RAB12: variants seen among roughly 807,000 people sequenced by gnomAD.
The protein encoded by RAB12 is ras-related protein Rab-12.
In RAB12, 11 loss-of-function variants were observed where a neutral mutation model predicts 28.4. That is an observed-to-expected ratio of 0.39 (90% confidence interval 0.24 to 0.64). RAB12 has a LOEUF of 0.64. Ranked by LOEUF, RAB12 falls within the 30% of genes least tolerant of loss-of-function variation. The pLI, the probability that RAB12 is intolerant of heterozygous loss-of-function variation, is 0.50. For synonymous variants in RAB12, 138 were observed against 145.3 expected, an observed-to-expected ratio of 0.95 and a Z score of 0.36; for missense variants, 276 against 351.1, an observed-to-expected ratio of 0.79 and a Z score of 1.71.
intron 2 of RAB12, among the ~76,000 whole-genome samples, chr18:8,625,806 C>T (rs900481082): frequency 6.6e-6 from 1 of 152,186 alleles, no homozygotes; most frequent in African/African-American, 2.4e-5. Context: ...GGCAGGTCAC[C>T]CTCAGCTCTG....
chr18:8,631,059 T>A (rs547206014), intron 2 of RAB12, among the ~76,000 whole-genome samples: 1 of 152,326 alleles, frequency 6.6e-6, no homozygotes, highest in South Asian at 2.1e-4. Flanking sequence ...TAGCTAAGTT[T>A]TATATTTTTA....
At chr18:8,615,954 C>T (rs897293118) in intron 1 of RAB12, among the ~76,000 whole-genome samples, 1 of 152,204 alleles carries the variant, frequency 6.6e-6, no homozygotes, top group Non-Finnish European at 1.5e-5. Context: ...GTTAATGGAT[C>T]TTGGAACTGG....
At chr18:8,625,329 A>G (rs1168396932) in intron 2 of RAB12, among the ~76,000 whole-genome samples, 1 of 152,220 alleles carries the variant, frequency 6.6e-6, no homozygotes, top group Non-Finnish European at 1.5e-5. Context: ...GTTTGTCTTC[A>G]TGTCTTTATT....
At chr18:8,616,936 A>C (rs768948892) in intron 1 of RAB12, among the ~76,000 whole-genome samples, 4 of 152,082 alleles carry the variant, frequency 2.6e-5, no homozygotes, top group Non-Finnish European at 4.4e-5. Flanking sequence ...CTCAAAAAAG[A>C]AAAAACACTC....
chr18:8,620,162 C>CTTTTTTTTTTTTTTTTTTTTTT (rs2096009070), intron 1 of RAB12, among the ~76,000 whole-genome samples: 1 of 15,746 alleles, frequency 6.4e-5, no homozygotes, highest in Non-Finnish European at 1.2e-4. Context: ...TTTTTTTTTG[C>CTTTTTTTTTTTTTTTTTTTTTT]TTCAAAAAAA....
intron 1 of RAB12, among the ~76,000 whole-genome samples, chr18:8,612,235 G>C (rs2096004243): frequency 6.6e-6 from 1 of 152,222 alleles, no homozygotes; most frequent in Non-Finnish European, 1.5e-5. Flanking sequence ...CTCCAGTCGA[G>C]GCTAGTGATG....
chr18:8,628,811 T>C (rs925096554), intron 2 of RAB12, among the ~76,000 whole-genome samples: 1 of 152,236 alleles, frequency 6.6e-6, no homozygotes. Context: ...AAACTCCTAT[T>C]ATCTGTAATT....
At chr18:8,615,045 G>T (rs1391999394) in intron 1 of RAB12, among the ~76,000 whole-genome samples, 1 of 152,230 alleles carries the variant, frequency 6.6e-6, no homozygotes, top group Admixed American at 6.5e-5. Flanking sequence ...TCTAGCCTGT[G>T]TTGACATGGG....
chr18:8,613,051 G>A (rs907885274), intron 1 of RAB12, among the ~76,000 whole-genome samples: 3 of 152,212 alleles, frequency 2.0e-5, no homozygotes, highest in Non-Finnish European at 2.9e-5. Context: ...GAACTATTAT[G>A]TAAAATTATA....
At chr18:8,619,550 A>T (rs1386926653) in intron 1 of RAB12, among the ~76,000 whole-genome samples, 1 of 152,214 alleles carries the variant, frequency 6.6e-6, no homozygotes, top group Non-Finnish European at 1.5e-5. Flanking sequence ...TGTGGGAGCT[A>T]TGAGCCACTT....
In RAB12 at chr18:8,633,074, ACT is replaced by A. The variant is rs1189488600; in HGVS notation, c.576-111_576-110del. On this transcript the variant is annotated intron_variant, in intron 2 of 5. Coordinates refer to ENST00000649141, the MANE Select transcript of RAB12 (RefSeq NM_001025300.3). ...ATCAGGTCAAAGGGAAATAGGGGTT[ACT>A]CTCGTTCTTTTTTCGCAGAAAAACT... is the stretch of plus-strand genomic sequence containing the variant. The A allele has an allele frequency of 2.0e-5, 26 of 1,268,694 alleles. No individual in the cohort carries two copies. The East Asian group carries it at 3.0e-4, about 15-fold the overall frequency. The allele number at this position is 1,268,694 out of a possible 1,614,324, so 78.6% of individuals were successfully genotyped here.
intron 1 of RAB12, among the ~76,000 whole-genome samples, chr18:8,616,986 C>T (rs1438176429): frequency 6.6e-6 from 1 of 152,134 alleles, no homozygotes; most frequent in African/African-American, 2.4e-5. Context: ...CAAGCCATGG[C>T]ACTTGTGGAA....
intron 2 of RAB12, among the ~76,000 whole-genome samples, chr18:8,628,557 A>G (rs751385383): frequency 8.5e-5 from 13 of 152,174 alleles, no homozygotes; most frequent in Non-Finnish European, 1.8e-4. Flanking sequence ...ATGTTTCCTC[A>G]TTGGGATTTT....
rs764033640 is a variant in RAB12 at position 8,635,612 on chromosome 18, A to C, written c.794A>C (p.Gln265Pro). 6.2e-7 allele frequency: 1 copy of C among 1,612,052 alleles called. No individual in the cohort carries two copies. Among genetic ancestry groups the C allele is most frequent in the Non-Finnish European group, 8.5e-7 (1 of 1,179,082 alleles). Residue 265 changes from glutamine (Q) to proline (P), a missense_variant, in exon 4 of 6, where the codon CAG becomes CCG. Around this residue, in one of 4 missense-constraint regions of RAB12, gnomAD observed 127 missense variants for 161.4 expected, o/e 0.79. Transcript: ENST00000649141. The stretch of plus-strand genomic sequence containing the variant: ...ACGGACAGAGAAATCACCAGGCAGC[A>C]GGGGGAAAAGGTGAGAGGGCGTGGG... ...CETDREITRQ[Q>P]GEKFAQQITG...
chr18:8,636,873 C>CTTTAGG (rs2096019246), intron 5 of RAB12, among the ~76,000 whole-genome samples: 1 of 152,184 alleles, frequency 6.6e-6, no homozygotes, highest in South Asian at 2.1e-4. Flanking sequence ...CTTCAGGCAT[C>CTTTAGG]TTTAGGCTTA....
At chr18:8,636,779 G>C (rs2096019213) in intron 5 of RAB12, among the ~76,000 whole-genome samples, 1 of 152,192 alleles carries the variant, frequency 6.6e-6, no homozygotes, top group Non-Finnish European at 1.5e-5. Context: ...GCTCCCTGGT[G>C]GGAGCCACTT....
In RAB12 at chr18:8,635,603, C is replaced by A; in HGVS notation, c.785C>A (p.Thr262Asn). ...GACTGTGAAACGGACAGAGAAATCA[C>A]CAGGCAGCAGGGGGAAAAGGTGAGA... ...KLDCETDREI[T>N]RQQGEKFAQQ... The change falls in exon 4 of 6, where the codon ACC (threonine) becomes AAC (asparagine). Residue 262 changes from threonine (T) to asparagine (N), a missense_variant. Thr to Asn is a moderately conservative substitution (Grantham distance 65). This residue lies in a region of RAB12 where 127 missense variants were observed against 161.4 expected (regional missense o/e 0.79). Transcript: ENST00000649141. 1 of 1,612,296 alleles carries A rather than the reference C, an allele frequency of 6.2e-7. No individual in the cohort carries two copies. Among genetic ancestry groups the A allele is most frequent in the East Asian group, 2.2e-5 (1 of 44,770 alleles).
intron 1 of RAB12, among the ~76,000 whole-genome samples, chr18:8,612,037 C>G (rs749179194): frequency 1.3e-5 from 2 of 152,188 alleles, no homozygotes; most frequent in Non-Finnish European, 2.9e-5. Flanking sequence ...GTTGCTTTTC[C>G]CCTCCACTCA....
intron 1 of RAB12, among the ~76,000 whole-genome samples, chr18:8,610,998 C>G (rs956974848): frequency 2.4e-4 from 36 of 152,208 alleles, no homozygotes; most frequent in African/African-American, 8.2e-4. Context: ...TGTAACAAAA[C>G]AGTACTACAT....
Sources: allele counts gnomAD v4.1 joint callset (sites outside exome capture counted in the v4.1 genomes callset), GRCh38; gene constraint gnomAD v4.1.1; regional missense constraint gnomAD v4.1.1; transcripts MANE v1.5; gene names NCBI Gene and HGNC (gene_info 2026-07-23, HGNC 2026-07-21).